The following TMEM154 variants were observed in gnomAD, a reference collection of about 807,000 sequenced individuals.
TMEM154 encodes the protein transmembrane protein 154.
In TMEM154, 27 loss-of-function variants were observed where a neutral mutation model predicts 24.5. That is an observed-to-expected ratio of 1.10 (90% CI 0.81 to 1.52). TMEM154 has a LOEUF of 1.52. TMEM154 is among the 40% of genes most tolerant of loss of function. The pLI, the probability that TMEM154 is intolerant of heterozygous loss-of-function variation, is 0.00. For synonymous variants in TMEM154, 67 were observed against 76.8 expected (o/e 0.87, Z 0.67); for missense variants, 228 against 213.4 (o/e 1.07, Z -0.43).
intron 6 of TMEM154, among the ~76,000 whole-genome samples, chr4:152,633,422 G>A (rs532734698): frequency 2.0e-5 from 3 of 152,270 alleles, no homozygotes; most frequent in African/African-American, 7.2e-5. Flanking sequence ...CCTTTATTTA[G>A]TTAGATATGT....
At position 152,677,063 on chromosome 4, in the gene TMEM154, A is replaced by G. The variant is rs538418616; in HGVS notation, c.64+2807T>C. On this transcript the variant is annotated intron_variant, in intron 1 of 6. Transcript: ENST00000304385. Reference sequence around the variant, plus strand: ...CCCCACTTTACTCCATGAGCAGAACATCTCCTTGAGTTTGAACTTTCTTAG... The same window carrying G: ...CCCCACTTTACTCCATGAGCAGAACGTCTCCTTGAGTTTGAACTTTCTTAG... Among the ~76,000 whole-genome samples the G allele has an allele frequency of 5.4e-4, 82 of 152,324 alleles. 1 individual carries two copies. Among genetic ancestry groups the G allele is most frequent in the East Asian group, 9.7e-4 (5 of 5,178 alleles).
chr4:152,627,374 T>A lies in TMEM154; in HGVS notation c.*1172A>T, dbSNP rs1751938676. On this transcript the variant is annotated 3_prime_UTR_variant, in exon 7 of 7. Coordinates refer to ENST00000304385, the MANE Select transcript of TMEM154 (RefSeq NM_152680.3). ...CAGGTATCCAAGGAGAGCTGAGGAT[T>A]CTCAATTTGCTAGATTGCTTTAAAG... 6.6e-6 allele frequency: 1 copy of A among 152,256 alleles called. No homozygotes were observed. The highest frequency in any genetic ancestry group is 2.4e-5 in the African/African-American group (1 of 41,468). The allele number at this position is 152,256 out of a possible 1,614,324, so 9.4% of individuals were successfully genotyped here.
intron 6 of TMEM154, among the ~76,000 whole-genome samples, chr4:152,636,243 T>C (rs1016156897): frequency 2.0e-5 from 3 of 152,232 alleles, no homozygotes; most frequent in African/African-American, 7.2e-5. Flanking sequence ...GTCGTTACCA[T>C]GTGTTGGCAA....
chr4:152,672,289 G>T (rs1184896218), intron 1 of TMEM154, among the ~76,000 whole-genome samples: 1 of 152,030 alleles, frequency 6.6e-6, no homozygotes, highest in Non-Finnish European at 1.5e-5. Flanking sequence ...CCCAGGACTG[G>T]TGTAAGGAGT....
At chr4:152,637,641 C>T (rs1321334786) in intron 6 of TMEM154, among the ~76,000 whole-genome samples, 1 of 152,102 alleles carries the variant, frequency 6.6e-6, no homozygotes, top group Non-Finnish European at 1.5e-5. Context: ...TTCTTATTTC[C>T]ATTTTTCAAG....
At chr4:152,675,032 T>A (rs1728922953) in intron 1 of TMEM154, among the ~76,000 whole-genome samples, 1 of 151,372 alleles carries the variant, frequency 6.6e-6, no homozygotes, top group Non-Finnish European at 1.5e-5. Flanking sequence ...GGCATGCGCC[T>A]ATAATCCCAG....
chr4:152,625,908 C>G lies in TMEM154; in HGVS notation c.*2638G>C, dbSNP rs1751909659. On this transcript the variant is annotated 3_prime_UTR_variant, in exon 7 of 7. Transcript: ENST00000304385. ...TAAAATAATTTTACAGCTTTTGGTT[C>G]TCCTGTATTATACAGCATAACTAGG... The G allele has an allele frequency of 6.6e-6, 1 of 152,030 alleles. No individual in the cohort carries two copies. Among genetic ancestry groups the G allele is most frequent in the South Asian group, 2.1e-4 (1 of 4,826 alleles). 9.4% of individuals were successfully genotyped at this position (152,030 alleles called of 1,614,324 possible).
At chr4:152,632,604 G>A (rs191242653) in intron 6 of TMEM154, among the ~76,000 whole-genome samples, 9 of 152,222 alleles carry the variant, frequency 5.9e-5, no homozygotes, top group Middle Eastern at 3.4e-3. Flanking sequence ...CTCTCCATTC[G>A]TTTAAGTCTT....
intron 4 of TMEM154, 33 bp downstream of exon 4, chr4:152,644,382 C>A (rs769915209): frequency 6.2e-7 from 1 of 1,613,146 alleles, no homozygotes; most frequent in Non-Finnish European, 8.5e-7. Flanking sequence ...TGTTCACACC[C>A]CAGGTGGATC....
chr4:152,641,058 T>C (rs566326033), intron 5 of TMEM154, 73 bp from the exon 6 acceptor site: 1 of 1,424,582 alleles, frequency 7.0e-7, no homozygotes, highest in South Asian at 1.2e-5. Context: ...CTGATACAGT[T>C]AAATACCATA....
At position 152,679,889 on chromosome 4, in the gene TMEM154, C is replaced by T. The variant is rs1443122075; in HGVS notation, c.45G>A (p.Ala15=). Residue 15 remains alanine, a synonymous_variant, in exon 1 of 7, where the codon GCG becomes GCA. Transcript: ENST00000304385. ...RAALVFALVI[A]LVPVGRGNYE... is the part of the protein sequence containing the mutation. ...GCTTACCCCGGCCGACGGGAACGAG[C>T]GCGATCACCAGGGCGAAGACTAGGG... The T allele has an allele frequency of 1.9e-6, 3 of 1,610,212 alleles. No individual in the cohort carries two copies. In the South Asian group the frequency reaches 3.3e-5, roughly 18 times the overall value.
In TMEM154 at chr4:152,643,256, C is replaced by T. The variant is rs1752291153; in HGVS notation, c.393-83G>A. On this transcript the variant is annotated intron_variant, in intron 4 of 6. Coordinates refer to ENST00000304385, the MANE Select transcript of TMEM154 (RefSeq NM_152680.3). ...TTTGGAAAGAGACTAGAATGCTGAT[C>T]CTGAGGAAGATGAACTTGATTCAGT... is the stretch of plus-strand genomic sequence containing the variant. 6.5e-6 allele frequency: 7 copies of T among 1,076,250 alleles called. No individual in the cohort carries two copies. The African/African-American group carries it at 1.1e-4, about 17-fold the overall frequency. The allele number at this position is 1,076,250 out of a possible 1,614,324, so 66.7% of individuals were successfully genotyped here.
chr4:152,635,396 C>A (rs896752374), intron 6 of TMEM154, among the ~76,000 whole-genome samples: 1 of 152,180 alleles, frequency 6.6e-6, no homozygotes, highest in African/African-American at 2.4e-5. Flanking sequence ...TTATCAGCTA[C>A]GAACCTGCCA....
chr4:152,624,028 A>G lies in TMEM154; in HGVS notation c.*4518T>C, dbSNP rs1336763616. 6.6e-6 allele frequency: 1 copy of G among 152,230 alleles called. No individual in the cohort carries two copies. Among genetic ancestry groups the G allele is most frequent in the Non-Finnish European group, 1.5e-5 (1 of 68,046 alleles). 9.4% of individuals were successfully genotyped at this position (152,230 alleles called of 1,614,324 possible). On this transcript the variant is annotated 3_prime_UTR_variant, in exon 7 of 7. Coordinates refer to ENST00000304385, the MANE Select transcript of TMEM154 (RefSeq NM_152680.3). The stretch of plus-strand genomic sequence containing the variant: ...CCCAAGCCTTCTGTACCTGAAGTCC[A>G]ATTGTAAAAAAAACCCCAAAGCCCA...
At chr4:152,631,084 G>A (rs977164381) in intron 6 of TMEM154, among the ~76,000 whole-genome samples, 3 of 152,050 alleles carry the variant, frequency 2.0e-5, no homozygotes, top group African/African-American at 7.2e-5. Flanking sequence ...ACTTCCAATA[G>A]TTACCTTTGC....
At chr4:152,640,865 C>A in intron 6 of TMEM154, 63 bp downstream of exon 6, 1 of 1,397,430 alleles carries the variant, frequency 7.2e-7, no homozygotes. Context: ...GTGTTCCACC[C>A]TGGTTCCCAA....
intron 1 of TMEM154, among the ~76,000 whole-genome samples, chr4:152,674,321 A>G (rs1190953968): frequency 3.7e-5 from 2 of 53,894 alleles, no homozygotes; most frequent in Non-Finnish European, 7.9e-5. Context: ...TGGTATAAGA[A>G]AAAAAAGTCA....
At chr4:152,653,276 AG>A (rs1297247421) in intron 1 of TMEM154, among the ~76,000 whole-genome samples, 1 of 152,240 alleles carries the variant, frequency 6.6e-6, no homozygotes, top group Non-Finnish European at 1.5e-5. Flanking sequence ...CATCTCCTAT[AG>A]GGTATGATAA....
At chr4:152,639,356 C>A (rs1752209396) in intron 6 of TMEM154, among the ~76,000 whole-genome samples, 1 of 152,136 alleles carries the variant, frequency 6.6e-6, no homozygotes, top group South Asian at 2.1e-4. Flanking sequence ...AATGTAAAAA[C>A]CACTGAGGGT....
Sources: gnomAD v4.1 joint callset for allele counts (sites outside exome capture counted in the v4.1 genomes callset) on GRCh38, gnomAD v4.1.1 for gene constraint, MANE v1.5 for transcripts, NCBI Gene and HGNC (gene_info 2026-07-23, HGNC 2026-07-21) for gene names.